The following EXPH5 variants were observed in gnomAD, a reference collection of about 807,000 sequenced individuals.
The protein encoded by EXPH5 is exophilin-5.
A neutral mutation model predicts 41.1 loss-of-function variants in EXPH5; 42 were observed. That is an observed-to-expected ratio of 1.02 (90% CI 0.80 to 1.32). The LOEUF (loss-of-function observed/expected upper bound fraction) is 1.32, where lower values mean the gene tolerates loss of function less well. Ranked by LOEUF, EXPH5 falls within the 40% of genes most tolerant of loss-of-function variation. EXPH5 has a pLI of 0.00. For synonymous variants in EXPH5, 798 were observed against 833.5 expected (o/e 0.96, Z 0.73); for missense variants, 2,298 against 2,314.5 (o/e 0.99, Z 0.15).
chr11:108,524,832 C>T, intron 4 of EXPH5, among the ~76,000 whole-genome samples: 1 of 152,332 alleles, frequency 6.6e-6, no homozygotes, highest in South Asian at 2.1e-4. Context: ...CTTAAAACCA[C>T]TCATTCATTT....
chr11:108,514,524 C>T lies in EXPH5; in HGVS notation c.983G>A (p.Arg328Gln), dbSNP rs11212684. ...ATGCCCTGTGGCTGGTAAGGCCGAC[C>T]GTTGCCTGCTGTCAAAACACAGCGA... The part of the protein sequence containing the change: ...STSLCFDSRQ[R>Q]SALPATGHFT... Residue 328 changes from arginine (R) to glutamine (Q), a missense_variant, in exon 6 of 6, where the codon CGG becomes CAG. Physicochemically the swap from Arg to Gln is conservative, Grantham distance 43. Coordinates refer to ENST00000265843, the MANE Select transcript of EXPH5 (RefSeq NM_015065.3). 0.034 allele frequency: 55,205 copies of T among 1,612,578 alleles called. 1,071 individuals are homozygous for T. The highest frequency in any genetic ancestry group is 0.039 in the Non-Finnish European group (45,706 of 1,179,354).
chr11:108,596,203 AT>A (rs1413757183), upstream of EXPH5, among the ~76,000 whole-genome samples: 2 of 152,088 alleles, frequency 1.3e-5, no homozygotes, highest in Non-Finnish European at 2.9e-5. Flanking sequence ...AAAAAAAAAA[AT>A]TGAACTTTGG....
Position 108,514,498 on chromosome 11 carries a change from A to G in EXPH5, c.1009T>C (p.Phe337Leu). Residue 337 changes from phenylalanine (F) to leucine (L), a missense_variant, in exon 6 of 6, where the codon TTC (phenylalanine) becomes CTC (leucine). Phe to Leu is a conservative substitution (Grantham distance 22). Coordinates refer to ENST00000265843, the MANE Select transcript of EXPH5 (RefSeq NM_015065.3). Reference protein sequence around the residue: ...QRSALPATGHFTARSLHFPAT... With the variant: ...QRSALPATGHLTARSLHFPAT... Reference sequence around the variant, plus strand: ...GGAAAATGTAAGCTTCTTGCTGTGAAATGCCCTGTGGCTGGTAAGGCCGAC... The same window carrying G: ...GGAAAATGTAAGCTTCTTGCTGTGAGATGCCCTGTGGCTGGTAAGGCCGAC... 2 of 1,612,978 alleles carry G rather than the reference A, an allele frequency of 1.2e-6. No individual in the cohort carries two copies. Among genetic ancestry groups the G allele is most frequent in the South Asian group, 2.2e-5 (2 of 90,792 alleles).
At chr11:108,530,762 G>A (rs1257206403) in intron 3 of EXPH5, among the ~76,000 whole-genome samples, 1 of 152,152 alleles carries the variant, frequency 6.6e-6, no homozygotes, top group African/African-American at 2.4e-5. Flanking sequence ...AGGGCCAGAG[G>A]GTGCCTGGAG....
chr11:108,528,842 A>G (rs1480498702), intron 3 of EXPH5, among the ~76,000 whole-genome samples: 1 of 151,392 alleles, frequency 6.6e-6, no homozygotes, highest in Non-Finnish European at 1.5e-5. Context: ...GGCTGGGATT[A>G]CAGGCGCCTG....
chr11:108,558,996 C>G (rs2094000912), intron 1 of EXPH5, among the ~76,000 whole-genome samples: 1 of 152,180 alleles, frequency 6.6e-6, no homozygotes, highest in Non-Finnish European at 1.5e-5. Flanking sequence ...AAGCTTGTAC[C>G]TAGCTCAGAC....
Position 108,528,022 on chromosome 11 carries a change from T to C in EXPH5, c.492+114A>G, listed in dbSNP as rs557782769. Reference sequence around the variant, plus strand: ...GAACTCTTAGGGAGAAATCCAAGCTTCTAAAATAAATTTAAAACTGAGCCG... The same window carrying C: ...GAACTCTTAGGGAGAAATCCAAGCTCCTAAAATAAATTTAAAACTGAGCCG... On this transcript the variant is annotated intron_variant, in intron 4 of 5. Transcript: ENST00000265843. The C allele has an allele frequency of 7.8e-5, 52 of 664,634 alleles. No homozygotes were observed. In the South Asian group the frequency reaches 1.1e-3, roughly 14 times the overall value. The allele number at this position is 664,634 out of a possible 1,614,324, so 41.2% of individuals were successfully genotyped here. A position where few individuals can be genotyped will look rare whatever the true frequency, so the allele number is the denominator to read the frequency against.
chr11:108,530,663 A>G (rs572272276), intron 3 of EXPH5, among the ~76,000 whole-genome samples: 1 of 152,274 alleles, frequency 6.6e-6, no homozygotes, highest in South Asian at 2.1e-4. Flanking sequence ...TCCGACACTC[A>G]CCAGCTCACC....
At chr11:108,522,971 C>G (rs2093774638) in intron 4 of EXPH5, among the ~76,000 whole-genome samples, 1 of 151,946 alleles carries the variant, frequency 6.6e-6, no homozygotes, top group South Asian at 2.1e-4. Context: ...TAACCCCGAA[C>G]TACTGGCTCA....
Position 108,593,235 on chromosome 11 carries a change from A to C in EXPH5, c.119+183T>G, listed in dbSNP as rs58045574. Among the ~76,000 whole-genome samples, 2,325 of 152,206 alleles carry C rather than the reference A, an allele frequency of 0.015. 48 individuals carry two copies. The highest frequency in any genetic ancestry group is 0.051 in the African/African-American group (2,122 of 41,532). On this transcript the variant is annotated intron_variant, in intron 1 of 5. Transcript: ENST00000265843. The stretch of plus-strand genomic sequence containing the variant: ...TGGTGGGTGGAGAGGGTACCAACTA[A>C]GCATCCCAAAGTCCTTCAGGGAGCA...
intron 1 of EXPH5, among the ~76,000 whole-genome samples, chr11:108,549,421 C>G (rs1279248939): frequency 2.0e-5 from 3 of 152,130 alleles, no homozygotes; most frequent in Non-Finnish European, 4.4e-5. Flanking sequence ...TTATTTCCAG[C>G]CTTGAGTTAT....
At chr11:108,576,097 C>G (rs2094078906) in intron 1 of EXPH5, among the ~76,000 whole-genome samples, 1 of 152,160 alleles carries the variant, frequency 6.6e-6, no homozygotes, top group South Asian at 2.1e-4. Flanking sequence ...GAACTGAGAA[C>G]AGGTACTCAA....
intron 4 of EXPH5, among the ~76,000 whole-genome samples, chr11:108,522,714 A>T (rs1050990271): frequency 6.6e-6 from 1 of 152,162 alleles, no homozygotes; most frequent in African/African-American, 2.4e-5. Context: ...CCCAGAGCAG[A>T]CACTGACTGA....
intron 1 of EXPH5, among the ~76,000 whole-genome samples, chr11:108,561,419 A>C (rs1221601562): frequency 6.6e-6 from 1 of 152,134 alleles, no homozygotes; most frequent in Non-Finnish European, 1.5e-5. Flanking sequence ...CAACACCCAA[A>C]AATAGCACTC....
rs573871379 is a variant in EXPH5, at chr11:108,578,251, T to C, written c.119+15167A>G. ...AGGGGTCTACTTTCATTCTTCTGCA[T>C]ATGGATATTCAGTTTTCCCAGCACC... is the stretch of plus-strand genomic sequence containing the variant. On this transcript the variant is annotated intron_variant, in intron 1 of 5. Transcript: ENST00000265843. Among the ~76,000 whole-genome samples the C allele has an allele frequency of 3.9e-5, 6 of 152,356 alleles. No homozygotes were observed. The South Asian group carries it at 6.2e-4, about 16-fold the overall frequency.
intron 1 of EXPH5, among the ~76,000 whole-genome samples, chr11:108,568,337 T>A (rs1261255327): frequency 1.3e-5 from 2 of 152,118 alleles, no homozygotes; most frequent in East Asian, 3.9e-4. Flanking sequence ...GGCAGGCTGC[T>A]CACCATGGCT....
At chr11:108,552,372 C>T (rs1330730777) in intron 1 of EXPH5, among the ~76,000 whole-genome samples, 4 of 152,122 alleles carry the variant, frequency 2.6e-5, no homozygotes, top group Non-Finnish European at 5.9e-5. Context: ...GTGTTCTTTT[C>T]ATAAGGGTAA....
At chr11:108,538,303 A>T (rs2093892442) in intron 3 of EXPH5, 13 of 960,214 alleles carry the variant, frequency 1.4e-5, no homozygotes, top group Non-Finnish European at 1.4e-5. Flanking sequence ...AACCAGGAAG[A>T]CATGCCGAAA....
chr11:108,593,352 T>G (rs2094132976), intron 1 of EXPH5, 66 bp downstream of exon 1: 1 of 1,435,596 alleles, frequency 7.0e-7, no homozygotes. Context: ...CTCAGCGCCT[T>G]CCCCGCGGAT....
Sources: gnomAD v4.1 joint callset for allele counts (sites outside exome capture counted in the v4.1 genomes callset) on GRCh38, gnomAD v4.1.1 for gene constraint, MANE v1.5 for transcripts, NCBI Gene and HGNC (gene_info 2026-07-23, HGNC 2026-07-21) for gene names.